The following PUDP variants were observed in gnomAD, a reference collection of about 807,000 sequenced individuals.
PUDP encodes pseudouridine 5'-phosphatase.
A neutral mutation model predicts 9.4 loss-of-function variants in PUDP; 8 were observed. The ratio of observed to expected loss-of-function variants is 0.85; its 90% confidence interval spans 0.50 to 1.53. The LOEUF (loss-of-function observed/expected upper bound fraction) is 1.53, where lower values mean the gene tolerates loss of function less well. Among genes scored for constraint, PUDP ranks in the 40% most tolerant of loss-of-function variants. The probability of loss-of-function intolerance (pLI) is 0.00; values close to 1 mark genes in which losing one functional copy is unlikely to be tolerated. For missense variants in PUDP, 188 were observed against 189.7 expected, an observed-to-expected ratio of 0.99 and a Z score of 0.05; for synonymous variants, 99 against 80.7, an observed-to-expected ratio of 1.23 and a Z score of -1.22.
In PUDP at chrX:6,995,827, T is replaced by C. The variant is rs1052130073; in HGVS notation, c.205-17484A>G. Among the ~76,000 whole-genome samples, 2 of 107,912 alleles carry C rather than the reference T, an allele frequency of 1.9e-5. 1 individual carries two copies. Among genetic ancestry groups the C allele is most frequent in the African/African-American group, 6.7e-5 (2 of 29,683 alleles). 93.7% of individuals were successfully genotyped at this position (107,912 alleles called of 115,157 possible). A position where few individuals can be genotyped will look rare whatever the true frequency, so the allele number is the denominator to read the frequency against. ...AGGAGAAAAACCTCATCTTGGGTCT[T>C]ATAGCATCAGCCAAATATGAGAGGC... is the stretch of plus-strand genomic sequence containing the variant. On this transcript the variant is annotated intron_variant and NMD_transcript_variant, in intron 1 of 3. Coordinates refer to the PUDP transcript ENST00000655425.
At chrX:7,123,523 CTG>C (rs1932400701) in intron 1 of PUDP, among the ~76,000 whole-genome samples, 1 of 111,703 alleles carries the variant, frequency 9.0e-6, no homozygotes, top group Non-Finnish European at 1.9e-5. Context: ...CACGTAAATC[CTG>C]TCTTACCAAT....
intron 3 of PUDP, among the ~76,000 whole-genome samples, chrX:7,052,534 T>C (rs1930132436): frequency 8.9e-6 from 1 of 112,225 alleles, no homozygotes; most frequent in Non-Finnish European, 1.9e-5. Flanking sequence ...GTCTGTGCTG[T>C]AGCCAGCACA....
At chrX:6,745,213 T>C (rs1341205815) in intron 3 of PUDP, among the ~76,000 whole-genome samples, 1 of 111,911 alleles carries the variant, frequency 8.9e-6, no homozygotes, top group Non-Finnish European at 1.9e-5. Context: ...AGCTGCGCAC[T>C]AACTGAATTC....
intron 3 of PUDP, among the ~76,000 whole-genome samples, chrX:6,828,354 G>A (rs1458612278): frequency 9.9e-6 from 1 of 100,772 alleles, no homozygotes; most frequent in Non-Finnish European, 2.0e-5. Context: ...TTATGACACT[G>A]TTGCTATATA....
intron 3 of PUDP, among the ~76,000 whole-genome samples, chrX:6,788,296 T>C (rs945023834): frequency 1.8e-5 from 2 of 112,379 alleles, no homozygotes; most frequent in African/African-American, 6.5e-5. Flanking sequence ...GTAAGTCTTC[T>C]GAGCAAGTTT....
chrX:6,965,411 T>C (rs1450986775), intron 3 of PUDP, among the ~76,000 whole-genome samples: 1 of 112,398 alleles, frequency 8.9e-6, no homozygotes, highest in Non-Finnish European at 1.9e-5. Flanking sequence ...ACAATATACA[T>C]AAAAGAAAAG....
chrX:6,714,407 CAG>C (rs1924570789), intron 1 of PUDP, among the ~76,000 whole-genome samples: 1 of 111,329 alleles, frequency 9.0e-6, no homozygotes, highest in Non-Finnish European at 1.9e-5. Context: ...CAAGGTATGA[CAG>C]ATACACACAA....
chrX:6,982,113 A>C (rs745585778), intron 1 of PUDP, among the ~76,000 whole-genome samples: 1 of 109,845 alleles, frequency 9.1e-6, no homozygotes. Flanking sequence ...ATACACACAC[A>C]CACACAAATA....
At chrX:6,977,225 C>T (rs1928969284) in exon 3 of PUDP, among the ~76,000 whole-genome samples, 1 of 111,711 alleles carries the variant, frequency 9.0e-6, no homozygotes, top group Non-Finnish European at 1.9e-5. Flanking sequence ...CAACGGGGAC[C>T]AGAGACTGCC....
rs1482823818 is a variant in PUDP at position 6,794,610 on chromosome X, G to A, written c.*248-88144C>T. ...TTTGGAGATGGAGTCTCACTCTGAC[G>A]CCCAGGCCGGAGTGCAGTGGTGCAA... On this transcript the variant is annotated intron_variant and NMD_transcript_variant, in intron 3 of 3. Coordinates refer to the PUDP transcript ENST00000655425. Among the ~76,000 whole-genome samples, 5 of 102,979 alleles carry A rather than the reference G, an allele frequency of 4.9e-5. No homozygotes were observed. In the East Asian group the frequency reaches 1.2e-3, roughly 25 times the overall value. 89.4% of individuals were successfully genotyped at this position (102,979 alleles called of 115,157 possible). A position where few individuals can be genotyped will look rare whatever the true frequency, so the allele number is the denominator to read the frequency against.
At chrX:6,739,457 G>A (rs1924911065) in intron 3 of PUDP, among the ~76,000 whole-genome samples, 1 of 111,361 alleles carries the variant, frequency 9.0e-6, no homozygotes, top group African/African-American at 3.3e-5. Context: ...TCCTCTCCAG[G>A]GACATTTGGC....
chrX:6,939,798 G>A (rs1315215567), intron 3 of PUDP, among the ~76,000 whole-genome samples: 4 of 107,439 alleles, frequency 3.7e-5, no homozygotes, highest in African/African-American at 1.4e-4. Flanking sequence ...AGCCCAGGAG[G>A]GTCAAGGCCT....
chrX:6,876,639 ATGTGTG>A (rs111935866), intron 3 of PUDP, among the ~76,000 whole-genome samples: 1,539 of 92,780 alleles, frequency 0.017, 32 homozygotes, highest in African/African-American at 0.054. Context: ...CTAAAATGTT[ATGTGTG>A]TGTGTGTGTG....
intron 1 of PUDP, among the ~76,000 whole-genome samples, chrX:6,981,976 G>GACAC (rs749042919): frequency 9.3e-4 from 92 of 98,540 alleles, no homozygotes; most frequent in Middle Eastern, 5.5e-3. Context: ...AGGACTTACA[G>GACAC]ACACACACAC....
intron 1 of PUDP, among the ~76,000 whole-genome samples, chrX:6,993,992 T>A (rs1929219202): frequency 8.9e-6 from 1 of 112,705 alleles, no homozygotes; most frequent in Non-Finnish European, 1.9e-5. Context: ...TTCTTTTACA[T>A]TTCAGAATTT....
At chrX:6,837,565 C>G (rs1196610822) in intron 3 of PUDP, among the ~76,000 whole-genome samples, 3 of 112,709 alleles carry the variant, frequency 2.7e-5, no homozygotes, top group Non-Finnish European at 5.6e-5. Context: ...CCAGCAACCT[C>G]ACCCTGGCTC....
intron 3 of PUDP, among the ~76,000 whole-genome samples, chrX:6,936,992 A>T (rs2146773990): frequency 9.9e-6 from 1 of 100,613 alleles, no homozygotes. Context: ...GGATACAAAC[A>T]AATGGAAGAA....
At chrX:6,996,328 A>G (rs1364713639) in intron 1 of PUDP, among the ~76,000 whole-genome samples, 1 of 111,104 alleles carries the variant, frequency 9.0e-6, no homozygotes, top group Non-Finnish European at 1.9e-5. Context: ...CATTAATCAA[A>G]GGGTAGAACA....
rs1226810407 is a variant in PUDP at position 7,114,340 on chromosome X, C to G, written c.62-8502G>C. ...TCATGATCCACCTGCCTCGGCCTCC[C>G]AAAGTCCTGGGATTACAGGTGTGAG... On this transcript the variant is annotated intron_variant, in intron 1 of 3. Transcript: ENST00000381077. Among the ~76,000 whole-genome samples, 5 of 111,369 alleles carry G rather than the reference C, an allele frequency of 4.5e-5. 1 individual carries two copies. The highest frequency in any genetic ancestry group is 7.5e-5 in the Non-Finnish European group (4 of 53,090).
Sources: allele counts gnomAD v4.1 joint callset (sites outside exome capture counted in the v4.1 genomes callset), GRCh38; gene constraint gnomAD v4.1.1; transcripts MANE v1.5; gene names NCBI Gene and HGNC (gene_info 2026-07-23, HGNC 2026-07-21).